Variants in FEZ2 observed in about 807,000 individuals in gnomAD.
FEZ2 encodes the protein fasciculation and elongation protein zeta 2.
In FEZ2, 51 loss-of-function variants were observed where a neutral mutation model predicts 40.4. The observed-to-expected ratio is 1.26, with a 90% CI of 1.01 to 1.59. The LOEUF is 1.59. FEZ2 is among the 40% of genes most tolerant of loss of function. FEZ2 has a pLI of 0.00. For missense variants in FEZ2, 640 were observed against 438.3 expected (o/e 1.46, Z -4.11); for synonymous variants, 242 against 172.0 (o/e 1.41, Z -3.18).
chr2:36,567,384 C>G (rs1419449440), intron 5 of FEZ2, among the ~76,000 whole-genome samples: 1 of 152,114 alleles, frequency 6.6e-6, no homozygotes, highest in Non-Finnish European at 1.5e-5. Flanking sequence ...ACTGAAGAAT[C>G]TAGTCTAGGA....
At chr2:36,576,516 C>G (rs1342907453) in intron 5 of FEZ2, among the ~76,000 whole-genome samples, 1 of 152,138 alleles carries the variant, frequency 6.6e-6, no homozygotes, top group Non-Finnish European at 1.5e-5. Flanking sequence ...GGTGATCCGC[C>G]CACCTTGGCC....
intron 2 of FEZ2, among the ~76,000 whole-genome samples, chr2:36,589,460 G>A (rs1340517370): frequency 6.6e-6 from 1 of 152,158 alleles, no homozygotes; most frequent in Non-Finnish European, 1.5e-5. Context: ...GTGAGAGGCT[G>A]GATTAAGTGT....
intron 2 of FEZ2, among the ~76,000 whole-genome samples, chr2:36,586,082 G>A (rs1183841121): frequency 6.6e-6 from 1 of 152,138 alleles, no homozygotes; most frequent in East Asian, 1.9e-4. Flanking sequence ...TTTTAAAGAA[G>A]GAGAAAGATC....
intron 5 of FEZ2, among the ~76,000 whole-genome samples, chr2:36,565,618 G>A (rs72868445): frequency 6.0e-4 from 92 of 152,196 alleles, no homozygotes; most frequent in African/African-American, 2.0e-3. Flanking sequence ...AGCCTTCCCA[G>A]ACCCCTAAAC....
chr2:36,560,670 A>T, intron 5 of FEZ2: 1 of 584,828 alleles, frequency 1.7e-6, no homozygotes. Context: ...ATAAACTTTT[A>T]TTTCTCTCGT....
At chr2:36,577,875 C>T (rs1668621632) in intron 5 of FEZ2, among the ~76,000 whole-genome samples, 1 of 152,140 alleles carries the variant, frequency 6.6e-6, no homozygotes, top group Non-Finnish European at 1.5e-5. Context: ...AAAGAGATGT[C>T]CCATTTAGAA....
At chr2:36,592,537 G>A (rs1157813832) in intron 1 of FEZ2, among the ~76,000 whole-genome samples, 2 of 151,986 alleles carry the variant, frequency 1.3e-5, no homozygotes, top group Admixed American at 1.3e-4. Flanking sequence ...TGGGCCTGGT[G>A]GCTCATGCCT....
chr2:36,573,573 G>T (rs554754491), intron 5 of FEZ2, among the ~76,000 whole-genome samples: 2 of 152,356 alleles, frequency 1.3e-5, no homozygotes, highest in African/African-American at 2.4e-5. Flanking sequence ...TGCATTAAGT[G>T]ATGTGCGAAG....
At chr2:36,592,016 C>T (rs753501654) in intron 1 of FEZ2, among the ~76,000 whole-genome samples, 8 of 152,098 alleles carry the variant, frequency 5.3e-5, no homozygotes, top group East Asian at 1.9e-4. Context: ...ATAATCAGCA[C>T]AATAAAACAT....
intron 1 of FEZ2, among the ~76,000 whole-genome samples, chr2:36,593,535 C>T (rs1351350301): frequency 6.6e-6 from 1 of 152,106 alleles, no homozygotes; most frequent in Non-Finnish European, 1.5e-5. Context: ...TGGAAGCTGC[C>T]AAGGCTTGGG....
intron 7 of FEZ2, 81 bp from the exon 8 acceptor site, chr2:36,553,260 T>A: frequency 9.5e-7 from 1 of 1,047,416 alleles, no homozygotes; most frequent in Non-Finnish European, 1.4e-6. Flanking sequence ...CATGTACATT[T>A]AAAAACCATT....
intron 5 of FEZ2, among the ~76,000 whole-genome samples, chr2:36,568,006 G>C (rs1449834320): frequency 6.6e-6 from 1 of 152,154 alleles, no homozygotes; most frequent in Non-Finnish European, 1.5e-5. Flanking sequence ...CTCAGAGGCA[G>C]GTTAAATATA....
chr2:36,592,179 G>C (rs1407315792), intron 1 of FEZ2, among the ~76,000 whole-genome samples: 3 of 152,158 alleles, frequency 2.0e-5, no homozygotes, highest in Non-Finnish European at 4.4e-5. Flanking sequence ...ATGTTTATTA[G>C]GTATCTAATT....
At chr2:36,580,269 C>T (rs1021946162) in intron 4 of FEZ2, among the ~76,000 whole-genome samples, 1 of 152,134 alleles carries the variant, frequency 6.6e-6, no homozygotes, top group Non-Finnish European at 1.5e-5. Context: ...AGGAACATGG[C>T]CAAATCAGAC....
chr2:36,576,156 C>A (rs909057518), intron 5 of FEZ2, among the ~76,000 whole-genome samples: 6 of 152,294 alleles, frequency 3.9e-5, no homozygotes, highest in African/African-American at 1.4e-4. Flanking sequence ...ATCTGTTTAT[C>A]CAACTGCCTA....
intron 1 of FEZ2, among the ~76,000 whole-genome samples, chr2:36,597,177 C>G (rs1164302050): frequency 2.6e-5 from 4 of 152,100 alleles, no homozygotes; most frequent in African/African-American, 9.7e-5. Context: ...ATTCCTGTGC[C>G]CTAAATGCTG....
intron 5 of FEZ2, among the ~76,000 whole-genome samples, chr2:36,571,356 T>G (rs779166981): frequency 2.0e-5 from 3 of 152,184 alleles, no homozygotes; most frequent in Non-Finnish European, 4.4e-5. Flanking sequence ...GTGTCAATAT[T>G]TACATTCAAG....
At chr2:36,580,964 C>T (rs866875035) in intron 4 of FEZ2, among the ~76,000 whole-genome samples, 2 of 151,994 alleles carry the variant, frequency 1.3e-5, no homozygotes, top group Non-Finnish European at 2.9e-5. Flanking sequence ...CCAGCCTGGC[C>T]AACATGACGA....
intron 5 of FEZ2, among the ~76,000 whole-genome samples, chr2:36,572,425 T>G (rs539328491): frequency 6.6e-6 from 1 of 152,356 alleles, no homozygotes; most frequent in South Asian, 2.1e-4. Context: ...GCAAACTCAC[T>G]TAACTGGAGT....
Sources: gnomAD v4.1 joint callset for allele counts (sites outside exome capture counted in the v4.1 genomes callset) on GRCh38, gnomAD v4.1.1 for gene constraint, MANE v1.5 for transcripts, NCBI Gene and HGNC (gene_info 2026-07-23, HGNC 2026-07-21) for gene names.